The following SLC25A26 variants were observed in gnomAD, a reference collection of about 807,000 sequenced individuals.
SLC25A26 encodes solute carrier family 25 member 26, also known as mitochondrial S-adenosylmethionine carrier protein.
In SLC25A26, 36 loss-of-function variants were observed where a neutral mutation model predicts 37.8. The observed-to-expected ratio is 0.95, with a 90% CI of 0.73 to 1.26. SLC25A26 has a LOEUF of 1.26. Ranked by LOEUF, SLC25A26 falls within the 50% of genes most tolerant of loss-of-function variation. The probability of loss-of-function intolerance (pLI) is 0.00; values close to 1 mark genes in which losing one functional copy is unlikely to be tolerated. For missense variants in SLC25A26, 390 were observed against 331.1 expected (o/e 1.18, Z -1.38); for synonymous variants, 129 against 122.5 (o/e 1.05, Z -0.35).
At chr3:66,198,703 G>A (rs2071075922) in intron 1 of SLC25A26, among the ~76,000 whole-genome samples, 1 of 150,538 alleles carries the variant, frequency 6.6e-6, no homozygotes, top group South Asian at 2.1e-4. Context: ...AATCCGACCC[G>A]CATCTTCACC....
chr3:66,172,123 A>G (rs2070508242), intron 1 of SLC25A26, among the ~76,000 whole-genome samples: 2 of 152,118 alleles, frequency 1.3e-5, no homozygotes, highest in South Asian at 2.1e-4. Flanking sequence ...TTAAGTTTTA[A>G]AAAAATGTCA....
intron 5 of SLC25A26, among the ~76,000 whole-genome samples, chr3:66,298,136 C>T (rs1332724545): frequency 6.6e-6 from 1 of 152,148 alleles, no homozygotes; most frequent in Non-Finnish European, 1.5e-5. Flanking sequence ...GTGTTATACA[C>T]CCTCTGCATG....
chr3:66,243,132 A>G, intron 2 of SLC25A26, 71 bp from the exon 3 acceptor site: 1 of 717,676 alleles, frequency 1.4e-6, no homozygotes, highest in Non-Finnish European at 2.4e-6. Flanking sequence ...ATACTTTTTG[A>G]GAAACATGTT....
intron 4 of SLC25A26, 36 bp from the exon 5 acceptor site, chr3:66,263,296 A>T: frequency 1.3e-6 from 2 of 1,558,038 alleles, no homozygotes; most frequent in Non-Finnish European, 1.8e-6. Flanking sequence ...AATCTCTGCC[A>T]TTCTTTCTGA....
chr3:66,348,145 A>G (rs1486418886), intron 6 of SLC25A26, among the ~76,000 whole-genome samples: 3 of 152,168 alleles, frequency 2.0e-5, no homozygotes, highest in Non-Finnish European at 4.4e-5. Context: ...AACAACAACA[A>G]CAGCAAAAGA....
At chr3:66,280,000 A>G (rs1225835114) in intron 5 of SLC25A26, among the ~76,000 whole-genome samples, 1 of 152,184 alleles carries the variant, frequency 6.6e-6, no homozygotes, top group South Asian at 2.1e-4. Context: ...ACAGTCAGCT[A>G]TGCTATGTTT....
At position 66,144,063 on chromosome 3, in the gene SLC25A26, A is replaced by T. The variant is rs537106484; in HGVS notation, c.-354+10079A>T. The stretch of plus-strand genomic sequence containing the variant: ...CACACATGAATACACAAAGTGGGGT[A>T]ATATGATAGAGAACAAATATAAGTG... On this transcript the variant is annotated intron_variant, in intron 1 of 10. Coordinates refer to the SLC25A26 transcript ENST00000676754. Among the ~76,000 whole-genome samples the T allele has an allele frequency of 1.4e-4, 22 of 152,296 alleles. No homozygotes were observed. The South Asian group carries it at 4.6e-3, about 32-fold the overall frequency.
chr3:66,151,075 A>G (rs2070201384), intron 1 of SLC25A26, among the ~76,000 whole-genome samples: 1 of 152,148 alleles, frequency 6.6e-6, no homozygotes, highest in African/African-American at 2.4e-5. Context: ...GCCTCACTAA[A>G]GTTAAGGAAC....
At chr3:66,204,971 C>T (rs1218094450) in intron 1 of SLC25A26, among the ~76,000 whole-genome samples, 3 of 152,108 alleles carry the variant, frequency 2.0e-5, no homozygotes, top group South Asian at 2.1e-4. Context: ...GAGATGGAAA[C>T]GTGAATCTCG....
intron 5 of SLC25A26, among the ~76,000 whole-genome samples, chr3:66,318,926 A>G (rs898741127): frequency 5.9e-5 from 9 of 152,184 alleles, no homozygotes; most frequent in Non-Finnish European, 1.3e-4. Context: ...CTGGGATTAC[A>G]GACACGAACC....
intron 1 of SLC25A26, among the ~76,000 whole-genome samples, chr3:66,158,315 G>A (rs540730555): frequency 5.3e-5 from 8 of 152,054 alleles, no homozygotes; most frequent in South Asian, 2.1e-4. Flanking sequence ...ATAATATTCC[G>A]TTGTATGCAT....
intron 5 of SLC25A26, among the ~76,000 whole-genome samples, chr3:66,341,845 A>G (rs1298323541): frequency 1.3e-5 from 2 of 152,164 alleles, no homozygotes; most frequent in Non-Finnish European, 2.9e-5. Flanking sequence ...AAAAATCAGA[A>G]TGTATTTACT....
chr3:66,365,465 C>G lies in SLC25A26; in HGVS notation c.568+2536C>G, dbSNP rs147707522. ...GGGGATAAAAGGACTTTGCAACTTCCTTGCTTCGAGTTAACTTCTAAACAT... is the reference window on the plus strand; with the variant it reads ...GGGGATAAAAGGACTTTGCAACTTCGTTGCTTCGAGTTAACTTCTAAACAT... On this transcript the variant is annotated intron_variant, in intron 7 of 9. Coordinates refer to ENST00000354883, the MANE Select transcript of SLC25A26 (RefSeq NM_001379210.1). 5.0e-3 allele frequency among the ~76,000 whole-genome samples: 764 copies of G among 152,268 alleles called. 9 individuals carry two copies. Among genetic ancestry groups the G allele is most frequent in the African/African-American group, 0.017 (719 of 41,544 alleles).
chr3:66,281,996 ATTTTTTTTT>A (rs71105977), intron 5 of SLC25A26, among the ~76,000 whole-genome samples: 33 of 64,476 alleles, frequency 5.1e-4, no homozygotes, highest in Non-Finnish European at 7.1e-4. Flanking sequence ...CTGATTTTGC[ATTTTTTTTT>A]TTTTTTTTTT....
intron 5 of SLC25A26, among the ~76,000 whole-genome samples, chr3:66,272,582 G>A (rs1039838849): frequency 6.6e-6 from 1 of 151,988 alleles, no homozygotes; most frequent in Non-Finnish European, 1.5e-5. Flanking sequence ...CCTTTATCTA[G>A]GTGTTAGTTT....
intron 3 of SLC25A26, among the ~76,000 whole-genome samples, chr3:66,244,937 G>A (rs886099734): frequency 9.9e-5 from 15 of 152,152 alleles, no homozygotes; most frequent in African/African-American, 3.6e-4. Flanking sequence ...AGATCAAGCC[G>A]CTGCACTCCA....
At chr3:66,136,059 C>G (rs1363938904) in intron 1 of SLC25A26, among the ~76,000 whole-genome samples, 1 of 152,160 alleles carries the variant, frequency 6.6e-6, no homozygotes, top group Non-Finnish European at 1.5e-5. Flanking sequence ...GATGATAAAA[C>G]TAATAGTAAT....
intron 1 of SLC25A26, among the ~76,000 whole-genome samples, chr3:66,209,057 TATATATATACACACAC>T (rs2071229948): frequency 3.2e-4 from 8 of 24,856 alleles, no homozygotes; most frequent in South Asian, 4.4e-3. Flanking sequence ...TATATATATA[TATATATATACACACAC>T]ACACCCATAT....
At chr3:66,314,641 T>C (rs1575551366) in intron 5 of SLC25A26, among the ~76,000 whole-genome samples, 5 of 152,210 alleles carry the variant, frequency 3.3e-5, no homozygotes, top group Admixed American at 3.3e-4. Context: ...ATAGAATGAA[T>C]TAGGGAGGAG....
Sources: allele counts gnomAD v4.1 joint callset (sites outside exome capture counted in the v4.1 genomes callset), GRCh38; gene constraint gnomAD v4.1.1; transcripts MANE v1.5; gene names NCBI Gene and HGNC (gene_info 2026-07-23, HGNC 2026-07-21).